The following HEPACAM variants were observed in gnomAD, a reference collection of about 807,000 sequenced individuals.
HEPACAM encodes the protein hepatocyte cell adhesion molecule.
Under a neutral mutation model 38.3 loss-of-function variants are expected in HEPACAM, and 18 were observed. That is an observed-to-expected ratio of 0.47 (90% CI 0.33 to 0.70). The LOEUF is 0.70. HEPACAM is among the 30% of genes least tolerant of loss of function. The probability of loss-of-function intolerance (pLI) is 0.03; values close to 1 mark genes in which losing one functional copy is unlikely to be tolerated. For missense variants in HEPACAM, 466 were observed against 563.0 expected (o/e 0.83, Z 1.74); for synonymous variants, 216 against 243.1 (o/e 0.89, Z 1.04).
chr11:124,932,819 C>T (rs1350098579), intron 1 of HEPACAM, among the ~76,000 whole-genome samples: 1 of 152,144 alleles, frequency 6.6e-6, no homozygotes, highest in Non-Finnish European at 1.5e-5. Flanking sequence ...AAATTCTCTA[C>T]CTGGAAGAAA....
Position 124,924,549 on chromosome 11 carries a change from A to G in HEPACAM, c.427+179T>C. The G allele has an allele frequency of 5.7e-6, 4 of 706,714 alleles. No individual in the cohort carries two copies. Among genetic ancestry groups the G allele is most frequent in the Middle Eastern group, 2.6e-4 (1 of 3,796 alleles). The allele number at this position is 706,714 out of a possible 1,614,324, so 43.8% of individuals were successfully genotyped here. A position where few individuals can be genotyped will look rare whatever the true frequency, so the allele number is the denominator to read the frequency against. On this transcript the variant is annotated intron_variant, in intron 2 of 6. Coordinates refer to ENST00000298251, the MANE Select transcript of HEPACAM (RefSeq NM_152722.5). This position sits in a 1 kb window ranked among gnomAD's most constrained non-coding sequence, Gnocchi z 4.4. ...TTAGAATAGTTTCTGGCACATGGCA[A>G]TCACTCTACATGTTAGCTGTGCTGT...
At position 124,920,957 on chromosome 11, in the gene HEPACAM, G is replaced by T; in HGVS notation, c.*181C>A. 1 of 1,365,994 alleles carries T rather than the reference G, an allele frequency of 7.3e-7. No homozygotes were observed. The highest frequency in any genetic ancestry group is 9.4e-7 in the Non-Finnish European group (1 of 1,063,212). 84.6% of individuals were successfully genotyped at this position (1,365,994 alleles called of 1,614,324 possible). On this transcript the variant is annotated 3_prime_UTR_variant, in exon 7 of 7. Transcript: ENST00000298251. The stretch of plus-strand genomic sequence containing the variant: ...GACCCGGTTTCACCATATCAACACT[G>T]CCGCCTCCGCGCACCCGCCTCCGTC...
rs771008523 is a variant in HEPACAM, at chr11:124,924,879, C to A, written c.276G>T (p.Arg92=). 1.2e-6 allele frequency: 2 copies of A among 1,614,226 alleles called. No homozygotes were observed. The highest frequency in any genetic ancestry group is 1.7e-5 in the Admixed American group (1 of 60,032). The stretch of plus-strand genomic sequence containing the variant: ...GTCGGATACGGTCTCGATAGTCAGG[C>A]CGCAGGGTGCCGATGACCTCTGTGC... The part of the protein sequence containing the change: ...SIGTEVIGTL[R]PDYRDRIRLF... Residue 92 remains arginine (R), a synonymous_variant, in exon 2 of 7, where the codon CGG becomes CGT. Transcript: ENST00000298251. This position sits in a 1 kb window ranked among gnomAD's most constrained non-coding sequence, Gnocchi z 4.4.
intron 1 of HEPACAM, among the ~76,000 whole-genome samples, chr11:124,926,577 A>T (rs527997054): frequency 5.9e-5 from 9 of 152,292 alleles, no homozygotes; most frequent in African/African-American, 2.2e-4. Flanking sequence ...AACCACCCGA[A>T]GGAGGGTCTT....
At position 124,921,469 on chromosome 11, in the gene HEPACAM, G is replaced by C. The variant is rs1479327388; in HGVS notation, c.949-29C>G. ...CAAGGACACGCGCCGCAGGGGTCAG[G>C]GGACAGTCAGCCCAGCCTGGGAGCG... On this transcript the variant is annotated intron_variant, in intron 6 of 6. Transcript: ENST00000298251. The surrounding 1 kb of genome is among the most constrained non-coding windows in gnomAD (Gnocchi z 4.6). 8.1e-7 allele frequency: 1 copy of C among 1,238,308 alleles called. No individual in the cohort carries two copies. Among genetic ancestry groups the C allele is most frequent in the East Asian group, 3.0e-5 (1 of 32,882 alleles). The allele number at this position is 1,238,308 out of a possible 1,614,324, so 76.7% of individuals were successfully genotyped here. A position where few individuals can be genotyped will look rare whatever the true frequency, so the allele number is the denominator to read the frequency against.
rs1276555467 is a variant in HEPACAM at position 124,922,547 on chromosome 11, G to A, written c.878-89C>T. ...ACTCTCTGTGCTTCCCGAATGGCCC[G>A]CCACAACCTCCACCAACATATCTGA... On this transcript the variant is annotated intron_variant, in intron 5 of 6. Transcript: ENST00000298251. 8 of 1,595,942 alleles carry A rather than the reference G, an allele frequency of 5.0e-6. No individual in the cohort carries two copies. The highest frequency in any genetic ancestry group is 6.0e-6 in the Non-Finnish European group (7 of 1,164,624).
chr11:124,927,835 G>A (rs970020906), intron 1 of HEPACAM, among the ~76,000 whole-genome samples: 1 of 152,060 alleles, frequency 6.6e-6, no homozygotes, highest in Admixed American at 6.5e-5. Flanking sequence ...AGGTTGCAGT[G>A]AGCTGAGATT....
At chr11:124,922,708 G>T (rs538823365) in intron 5 of HEPACAM, 37 bp downstream of exon 5, 1 of 1,614,210 alleles carries the variant, frequency 6.2e-7, no homozygotes, top group African/African-American at 1.3e-5. Context: ...TGATCTGATT[G>T]TTGATGGGAT....
chr11:124,925,139 A>T (rs1485471087), intron 1 of HEPACAM, 70 bp from the exon 2 acceptor site: 1 of 1,224,906 alleles, frequency 8.2e-7, no homozygotes, highest in Non-Finnish European at 1.1e-6. Flanking sequence ...TCCCAACTTT[A>T]AGCCCTCTGA....
chr11:124,926,306 C>T (rs1947207700), intron 1 of HEPACAM, among the ~76,000 whole-genome samples: 1 of 152,220 alleles, frequency 6.6e-6, no homozygotes, highest in Non-Finnish European at 1.5e-5. Context: ...GCAGACAGAA[C>T]ACAAAATTGA....
rs1947248625 is a variant in HEPACAM, at chr11:124,928,739, C to T, written c.86-3670G>A. On this transcript the variant is annotated intron_variant, in intron 1 of 6. Coordinates refer to ENST00000298251, the MANE Select transcript of HEPACAM (RefSeq NM_152722.5). The stretch of plus-strand genomic sequence containing the variant: ...CATTTGTCTCTTATCTGCCTATGAC[C>T]TGGAAGCCCTCTCCCGACTTAAGAG... 2.0e-5 allele frequency among the ~76,000 whole-genome samples: 3 copies of T among 152,176 alleles called. No homozygotes were observed. In the South Asian group the frequency reaches 6.2e-4, roughly 32 times the overall value.
Position 124,922,854 on chromosome 11 carries a change from A to G in HEPACAM, c.804-36T>C, listed in dbSNP as rs191386492. 1,234 of 1,607,550 alleles carry G rather than the reference A, an allele frequency of 7.7e-4. 2 individuals are homozygous for G. Among genetic ancestry groups the G allele is most frequent in the Non-Finnish European group, 3.8e-4 (444 of 1,173,996 alleles). On this transcript the variant is annotated intron_variant, in intron 4 of 6. Transcript: ENST00000298251. ...ATTCAGCCCCACTATGAGCCGAATT[A>G]TTGAATGTGAGTAGAAGATCCAGTG...
In HEPACAM at chr11:124,920,108, T is replaced by TC; in HGVS notation, c.*1029dup. The TC allele has an allele frequency of 2.9e-6, 4 of 1,400,918 alleles. No individual in the cohort carries two copies. Among genetic ancestry groups the TC allele is most frequent in the South Asian group, 1.4e-5 (1 of 73,756 alleles). The allele number at this position is 1,400,918 out of a possible 1,614,324, so 86.8% of individuals were successfully genotyped here. A position where few individuals can be genotyped will look rare whatever the true frequency, so the allele number is the denominator to read the frequency against. ...CAGGAGGCCAGGGGTTGGATCATGTTCCCCCCAAATGCTGGGAAGCAATAA... is the reference window on the plus strand; with the variant it reads ...CAGGAGGCCAGGGGTTGGATCATGTTCCCCCCCAAATGCTGGGAAGCAATAA... On this transcript the variant is annotated 3_prime_UTR_variant, in exon 7 of 7. Transcript: ENST00000298251.
intron 1 of HEPACAM, among the ~76,000 whole-genome samples, chr11:124,933,317 G>A (rs553138829): frequency 6.6e-5 from 10 of 151,990 alleles, no homozygotes; most frequent in African/African-American, 2.2e-4. Context: ...AATTACAAGC[G>A]TGCACCACTA....
At chr11:124,923,534 G>C (rs998124525) in intron 3 of HEPACAM, 101 bp from the exon 4 acceptor site, 7 of 1,127,602 alleles carry the variant, frequency 6.2e-6, no homozygotes, top group Non-Finnish European at 9.3e-6. Context: ...GGAGCCCCAG[G>C]CTGCATGCCT....
chr11:124,935,821 C>G, intron 1 of HEPACAM, 101 bp downstream of exon 1: 1 of 949,550 alleles, frequency 1.1e-6, no homozygotes, highest in South Asian at 1.4e-5. Context: ...CTCTCCCCCA[C>G]TCCTGCCCCA....
At chr11:124,935,879 C>T (rs376614683) in intron 1 of HEPACAM, 43 bp downstream of exon 1, 11 of 1,564,084 alleles carry the variant, frequency 7.0e-6, no homozygotes, top group Non-Finnish European at 9.7e-6. Context: ...GTAAAAGCCC[C>T]GGGTCCTTTC....
At chr11:124,933,963 T>C (rs4936959) in intron 1 of HEPACAM, among the ~76,000 whole-genome samples, 34,648 of 152,058 alleles carry the variant, frequency 0.23, 5,043 homozygotes, top group East Asian at 0.68. Flanking sequence ...GATGTTTCAT[T>C]TTCATCCCAC....
At position 124,923,944 on chromosome 11, in the gene HEPACAM, G is replaced by A; in HGVS notation, c.494C>T (p.Thr165Ile). Reference sequence around the variant, plus strand: ...GCCATTCTCATGTGAGCAGTTCAAGGTGAAGGCCTCGCTGAGCTCCAGCAC... The same window carrying A: ...GCCATTCTCATGTGAGCAGTTCAAGATGAAGGCCTCGCTGAGCTCCAGCAC... The part of the protein sequence containing the change: ...TTVLELSEAF[T>I]LNCSHENGTK... Residue 165 changes from threonine to isoleucine, a missense_variant, in exon 3 of 7, where the codon ACC (threonine) becomes ATC (isoleucine). By Grantham distance (89) the Thr-to-Ile change is moderately conservative. Transcript: ENST00000298251. The A allele has an allele frequency of 1.2e-6, 2 of 1,612,702 alleles. No homozygotes were observed. Among genetic ancestry groups the A allele is most frequent in the Non-Finnish European group, 1.7e-6 (2 of 1,180,010 alleles).
Sources: allele counts gnomAD v4.1 joint callset (sites outside exome capture counted in the v4.1 genomes callset), GRCh38; gene constraint gnomAD v4.1.1; non-coding constraint Gnocchi (gnomAD v3.1); transcripts MANE v1.5; gene names NCBI Gene and HGNC (gene_info 2026-07-23, HGNC 2026-07-21).